Variants in CDK2AP1 observed in about 807,000 individuals in gnomAD.
The protein encoded by CDK2AP1 is cyclin-dependent kinase 2-associated protein 1.
Under a neutral mutation model 14.1 loss-of-function variants are expected in CDK2AP1, and 10 were observed. That is an observed-to-expected ratio of 0.71 (90% confidence interval 0.44 to 1.20). The LOEUF (loss-of-function observed/expected upper bound fraction) is 1.20, where lower values mean the gene tolerates loss of function less well. Among genes scored for constraint, CDK2AP1 ranks in the 50% most tolerant of loss-of-function variants. The pLI is 0.00. For synonymous variants in CDK2AP1, 59 were observed against 59.8 expected (o/e 0.99, Z 0.06); for missense variants, 102 against 149.9 (o/e 0.68, Z 1.67).
In CDK2AP1 at chr12:123,269,522, G is replaced by A. The variant is rs552971901; in HGVS notation, c.55+2042C>T. 1.2e-4 allele frequency among the ~76,000 whole-genome samples: 18 copies of A among 152,324 alleles called. No individual in the cohort carries two copies. In the South Asian group the frequency reaches 2.5e-3, roughly 21 times the overall value. ...GGACCACGTCAGCGAAGGCCGTCTC[G>A]GCGCATCTCAGACAATGAGCGCAGT... On this transcript the variant is annotated intron_variant, in intron 1 of 3. Coordinates refer to ENST00000261692, the MANE Select transcript of CDK2AP1 (RefSeq NM_004642.4).
At chr12:123,268,365 G>T (rs907587094) in intron 1 of CDK2AP1, 20 of 289,040 alleles carry the variant, frequency 6.9e-5, no homozygotes, top group African/African-American at 4.5e-4. Context: ...CAAGCTGGGG[G>T]AGCCGGGAGG....
At chr12:123,268,216 G>GTC (rs918574381) in intron 1 of CDK2AP1, 2 of 985,460 alleles carry the variant, frequency 2.0e-6, no homozygotes, top group African/African-American at 3.5e-5. Context: ...GAGCCACACG[G>GTC]TCTCTCTCTC....
At chr12:123,270,633 T>A (rs1050536646) in intron 1 of CDK2AP1, among the ~76,000 whole-genome samples, 1 of 152,098 alleles carries the variant, frequency 6.6e-6, no homozygotes, top group African/African-American at 2.4e-5. Flanking sequence ...CCACTCCCCA[T>A]GGCTCCCTCG....
At chr12:123,264,122 A>T (rs2048262287) in intron 3 of CDK2AP1, among the ~76,000 whole-genome samples, 1 of 105,272 alleles carries the variant, frequency 9.5e-6, no homozygotes, top group African/African-American at 3.0e-5. Context: ...AAAAAAAAAA[A>T]GAATGTTCCT....
rs527737729 is a variant in CDK2AP1, at chr12:123,267,336, C to G, written c.56-54G>C. The G allele has an allele frequency of 2.7e-6, 3 of 1,117,018 alleles. No individual in the cohort carries two copies. The South Asian group carries it at 3.7e-5, about 14-fold the overall frequency. The allele number at this position is 1,117,018 out of a possible 1,614,324, so 69.2% of individuals were successfully genotyped here. ...GTCAGCTCAGCCAGTTGTACCAAGG[C>G]AAGGACTCCGGGTCCTGCAACAGCC... On this transcript the variant is annotated intron_variant, in intron 1 of 3. Coordinates refer to ENST00000261692, the MANE Select transcript of CDK2AP1 (RefSeq NM_004642.4).
In CDK2AP1 at chr12:123,263,165, C is replaced by T. The variant is rs894453475; in HGVS notation, c.281-1362G>A. On this transcript the variant is annotated intron_variant, in intron 3 of 3. Coordinates refer to ENST00000261692, the MANE Select transcript of CDK2AP1 (RefSeq NM_004642.4). ...GGCGGAGGTTGCAGTGAGCCGAGAT[C>T]GCGCCACTGCACTCCAGCCTGGGTG... 6.7e-5 allele frequency among the ~76,000 whole-genome samples: 10 copies of T among 149,232 alleles called. No individual in the cohort carries two copies. The Admixed American group carries it at 6.7e-4, about 10-fold the overall frequency.
In CDK2AP1 at chr12:123,271,634, G is replaced by A; in HGVS notation, c.-16C>T. 1.0e-6 allele frequency: 1 copy of A among 977,814 alleles called. No individual in the cohort carries two copies. The highest frequency in any genetic ancestry group is 1.2e-6 in the Non-Finnish European group (1 of 824,904). 60.6% of individuals were successfully genotyped at this position (977,814 alleles called of 1,614,324 possible). A position where few individuals can be genotyped will look rare whatever the true frequency, so the allele number is the denominator to read the frequency against. ...TGTAAGACATCCCCCCGGGCGGCGG[G>A]CGCGCCGGGCGCGGCGGGGCCAGGC... On this transcript the variant is annotated 5_prime_UTR_variant, in exon 1 of 4. Transcript: ENST00000261692.
In CDK2AP1 at chr12:123,261,669, C is replaced by G. The variant is rs1024678496; in HGVS notation, c.*67G>C. 3.1e-6 allele frequency: 4 copies of G among 1,307,144 alleles called. No individual in the cohort carries two copies. The highest frequency in any genetic ancestry group is 4.4e-6 in the Non-Finnish European group (4 of 900,200). The allele number at this position is 1,307,144 out of a possible 1,614,324, so 81.0% of individuals were successfully genotyped here. A position where few individuals can be genotyped will look rare whatever the true frequency, so the allele number is the denominator to read the frequency against. On this transcript the variant is annotated 3_prime_UTR_variant, in exon 4 of 4. Coordinates refer to ENST00000261692, the MANE Select transcript of CDK2AP1 (RefSeq NM_004642.4). ...TTTGAAAACAAGGGTTTCATCTGAA[C>G]AGGGGAGATGAACTGTAACTTCTCA...
At chr12:123,266,995 G>A (rs776868256) in intron 2 of CDK2AP1, among the ~76,000 whole-genome samples, 190 bp downstream of exon 2, 1 of 152,126 alleles carries the variant, frequency 6.6e-6, no homozygotes. Flanking sequence ...ACACGTCCCC[G>A]CGAAGCACAG....
In CDK2AP1 at chr12:123,261,417, G is replaced by A. The variant is rs2048231454; in HGVS notation, c.*319C>T. Reference sequence around the variant, plus strand: ...CCATGGGTAACAAATGTATACAAAAGAGAAGATTAAAGGGAGACAATGGTG... The same window carrying A: ...CCATGGGTAACAAATGTATACAAAAAAGAAGATTAAAGGGAGACAATGGTG... On this transcript the variant is annotated 3_prime_UTR_variant, in exon 4 of 4. Coordinates refer to ENST00000261692, the MANE Select transcript of CDK2AP1 (RefSeq NM_004642.4). The A allele has an allele frequency of 6.9e-6, 2 of 290,572 alleles. No individual in the cohort carries two copies. The highest frequency in any genetic ancestry group is 7.6e-5 in the South Asian group (2 of 26,212). 18.0% of individuals were successfully genotyped at this position (290,572 alleles called of 1,614,324 possible). A position where few individuals can be genotyped will look rare whatever the true frequency, so the allele number is the denominator to read the frequency against.
chr12:123,269,629 G>A (rs539344405), intron 1 of CDK2AP1, among the ~76,000 whole-genome samples: 1 of 152,148 alleles, frequency 6.6e-6, no homozygotes, highest in South Asian at 2.1e-4. Context: ...GACAAAGAGC[G>A]CGGGGCCTGG....
At chr12:123,262,953 C>T (rs1254768364) in intron 3 of CDK2AP1, among the ~76,000 whole-genome samples, 1 of 151,894 alleles carries the variant, frequency 6.6e-6, no homozygotes, top group Non-Finnish European at 1.5e-5. Flanking sequence ...GTGGCTCACA[C>T]CTGTAATCCC....
upstream of CDK2AP1, chr12:123,271,924 C>A (rs1184162125): frequency 6.8e-6 from 1 of 146,608 alleles, no homozygotes. Context: ...GCTCCGCCTG[C>A]GGCCGCGCCC....
chr12:123,266,153 C>T (rs922418595), intron 2 of CDK2AP1, among the ~76,000 whole-genome samples: 1 of 152,170 alleles, frequency 6.6e-6, no homozygotes, highest in Admixed American at 6.5e-5. Flanking sequence ...TCCTTGCCTC[C>T]CCCCTCCTCC....
chr12:123,267,864 C>T (rs2048312861), intron 1 of CDK2AP1: 1 of 154,336 alleles, frequency 6.5e-6, no homozygotes, highest in East Asian at 1.9e-4. Context: ...GATAAAGCCC[C>T]TCAACCCCTC....
At chr12:123,270,774 G>A in intron 1 of CDK2AP1, 3 of 946,132 alleles carry the variant, frequency 3.2e-6, no homozygotes, top group Non-Finnish European at 3.8e-6. Flanking sequence ...GCCTTCCAGG[G>A]CCAGCCCTTG....
chr12:123,267,276 C>T lies in CDK2AP1; in HGVS notation c.62G>A (p.Ser21Asn), dbSNP rs139311687. The T allele has an allele frequency of 3.1e-4, 494 of 1,608,552 alleles. 1 individual carries two copies. Among genetic ancestry groups the T allele is most frequent in the Non-Finnish European group, 4.0e-4 (468 of 1,175,284 alleles). Reference protein sequence around the residue: ...MPAAALNAAGSVHSPSTSMAT... With the variant: ...MPAAALNAAGNVHSPSTSMAT... The stretch of plus-strand genomic sequence containing the variant: ...CATGCTGGTGGAAGGCGAGTGGACA[C>T]TCCCAGCTGTGGGGTGGGGAGAGAG... The change falls in exon 2 of 4, where the codon AGT (serine) becomes AAT (asparagine). Residue 21 changes from serine to asparagine, a missense_variant. This residue lies in a region of CDK2AP1 where 50 missense variants were observed against 42.7 expected (regional missense o/e 1.17). Transcript: ENST00000261692.
chr12:123,261,673 G>A lies in CDK2AP1; in HGVS notation c.*63C>T. 1 of 1,308,142 alleles carries A rather than the reference G, an allele frequency of 7.6e-7. No individual in the cohort carries two copies. Among genetic ancestry groups the A allele is most frequent in the East Asian group, 2.3e-5 (1 of 43,472 alleles). 81.0% of individuals were successfully genotyped at this position (1,308,142 alleles called of 1,614,324 possible). ...AAAACAAGGGTTTCATCTGAACAGG[G>A]GAGATGAACTGTAACTTCTCATCTT... On this transcript the variant is annotated 3_prime_UTR_variant, in exon 4 of 4. Transcript: ENST00000261692.
chr12:123,265,305 C>T lies in CDK2AP1; in HGVS notation c.171G>A (p.Gln57=), dbSNP rs143369281. 1,473 of 1,614,156 alleles carry T rather than the reference C, an allele frequency of 9.1e-4. 11 individuals are homozygous for T. The African/African-American group carries it at 0.018, about 20-fold the overall frequency. The change falls in exon 3 of 4, where the codon CAG becomes CAA. Residue 57 remains glutamine (Q), a synonymous_variant. Coordinates refer to ENST00000261692, the MANE Select transcript of CDK2AP1 (RefSeq NM_004642.4). The surrounding 1 kb of genome is among the most constrained non-coding windows in gnomAD (Gnocchi z 5.3). ...LGYTQGTGNS[Q]VPQSKYAELL... ...GCTCCGCGTATTTGCTTTGGGGCAC[C>T]TGGCTGTTCCCAGTTCCCTAGAATC...
Sources: allele counts gnomAD v4.1 joint callset (sites outside exome capture counted in the v4.1 genomes callset), GRCh38; gene constraint gnomAD v4.1.1; regional missense constraint gnomAD v4.1.1; non-coding constraint Gnocchi (gnomAD v3.1); transcripts MANE v1.5; gene names NCBI Gene and HGNC (gene_info 2026-07-23, HGNC 2026-07-21).